The following MTCL1 variants were observed in gnomAD, a reference collection of about 807,000 sequenced individuals.
The protein encoded by MTCL1 is microtubule crosslinking factor 1, also known as microtubule cross-linking factor 1.
Under a neutral mutation model 141.4 loss-of-function variants are expected in MTCL1, and 79 were observed. That is an observed-to-expected ratio of 0.56 (90% CI 0.47 to 0.67). The LOEUF (loss-of-function observed/expected upper bound fraction) is 0.67, where lower values mean the gene tolerates loss of function less well. MTCL1 is among the 30% of genes least tolerant of loss of function. The pLI is 0.00. For synonymous variants in MTCL1, 914 were observed against 875.8 expected (o/e 1.04, Z -0.77); for missense variants, 2,177 against 2,113.9 (o/e 1.03, Z -0.59).
chr18:8,705,639 G>A, upstream of MTCL1: 1 of 1,211,716 alleles, frequency 8.3e-7, no homozygotes, highest in Non-Finnish European at 1.0e-6. This position sits in a 1 kb window ranked among gnomAD's most constrained non-coding sequence, Gnocchi z 5.2. Flanking sequence ...TGCTGCCTGA[G>A]CTGCTGCCGG....
intron 4 of MTCL1, among the ~76,000 whole-genome samples, chr18:8,734,383 C>T (rs1219031697): frequency 2.6e-5 from 4 of 152,090 alleles, no homozygotes; most frequent in Non-Finnish European, 5.9e-5. Context: ...GTTCTAGCAC[C>T]TTAGGAAAAC....
intron 10 of MTCL1, among the ~76,000 whole-genome samples, chr18:8,805,322 A>C (rs1000140036): frequency 2.0e-5 from 3 of 151,978 alleles, no homozygotes; most frequent in African/African-American, 7.3e-5. Flanking sequence ...AGTATACCCA[A>C]TGTTTGGCTC....
At chr18:8,820,225 C>T (rs977160326) in intron 13 of MTCL1, among the ~76,000 whole-genome samples, 12 of 152,022 alleles carry the variant, frequency 7.9e-5, no homozygotes, top group Admixed American at 1.3e-4. Context: ...CTGGCTAACA[C>T]GGTGAAACCC....
At position 8,786,018 on chromosome 18, in the gene MTCL1, G is replaced by A. The variant is rs536482836; in HGVS notation, c.1814G>A (p.Arg605Gln). The change falls in exon 7 of 17, where the codon CGG (arginine) becomes CAG (glutamine). Residue 605 changes from arginine (R) to glutamine (Q), a missense_variant. Arg to Gln is a conservative substitution (Grantham distance 43, BLOSUM62 1). Coordinates refer to ENST00000359865, the Ensembl canonical transcript of MTCL1. ...GAGAGCCTGCGCCTCCGAGCCGCGC[G>A]GGAGCTGCACCGCCGCGCAGACGGG... 1.1e-4 allele frequency: 178 copies of A among 1,584,276 alleles called. 1 individual carries two copies. Among genetic ancestry groups the A allele is most frequent in the Admixed American group, 1.0e-3 (61 of 59,602 alleles).
intron 4 of MTCL1, among the ~76,000 whole-genome samples, chr18:8,754,704 G>A (rs1050042794): frequency 3.9e-5 from 6 of 152,168 alleles, no homozygotes; most frequent in Non-Finnish European, 8.8e-5. Flanking sequence ...GTATAGATGC[G>A]TGCAGTTCTG....
At chr18:8,821,363 G>C (rs1360914940) in intron 13 of MTCL1, 104 bp from the exon 13 acceptor site, 2 of 715,602 alleles carry the variant, frequency 2.8e-6, no homozygotes, top group Admixed American at 4.9e-5. Flanking sequence ...CATTTTAAAT[G>C]GTGGTTTCCT....
chr18:8,826,970 A>G (rs779357842), intron 15 of MTCL1, among the ~76,000 whole-genome samples: 3 of 152,210 alleles, frequency 2.0e-5, no homozygotes, highest in African/African-American at 7.2e-5. Context: ...CACTTCAACA[A>G]TGAGCAAAAT....
chr18:8,799,454 A>AG (rs1371969863), intron 10 of MTCL1, among the ~76,000 whole-genome samples: 20 of 152,238 alleles, frequency 1.3e-4, no homozygotes, highest in Non-Finnish European at 5.9e-5. Flanking sequence ...ATACTTGCAA[A>AG]GGAACTTTTA....
intron 4 of MTCL1, among the ~76,000 whole-genome samples, chr18:8,768,789 C>CT (rs773958752): frequency 0.022 from 2,555 of 117,842 alleles, 140 homozygotes; most frequent in African/African-American, 0.067. Context: ...CTTTTCTTCT[C>CT]TTTTTTTTTT....
chr18:8,773,672 G>A (rs1230699351), intron 4 of MTCL1, among the ~76,000 whole-genome samples: 1 of 151,022 alleles, frequency 6.6e-6, no homozygotes, highest in Non-Finnish European at 1.5e-5. Context: ...ATGTTTTTTT[G>A]CATCTAAAAT....
chr18:8,815,490 G>T (rs1268759745), intron 12 of MTCL1, among the ~76,000 whole-genome samples: 1 of 151,896 alleles, frequency 6.6e-6, no homozygotes, highest in Non-Finnish European at 1.5e-5. Context: ...GGAGGTGGGG[G>T]ATAGCATTAG....
intron 1 of MTCL1, among the ~76,000 whole-genome samples, chr18:8,710,996 G>A (rs1014005654): frequency 2.5e-4 from 38 of 149,494 alleles, no homozygotes; most frequent in East Asian, 1.2e-3. Context: ...CCACTAACTC[G>A]TCATCTAGCA....
At chr18:8,816,582 A>G (rs988922513) in intron 12 of MTCL1, among the ~76,000 whole-genome samples, 2 of 152,214 alleles carry the variant, frequency 1.3e-5, no homozygotes, top group South Asian at 4.1e-4. Context: ...CCCAGTTAAC[A>G]TGCAGATGAT....
At chr18:8,751,828 G>T (rs966890468) in intron 4 of MTCL1, among the ~76,000 whole-genome samples, 1 of 152,184 alleles carries the variant, frequency 6.6e-6, no homozygotes, top group African/African-American at 2.4e-5. Context: ...TGGAGCCGTG[G>T]GATTCGCTTG....
At chr18:8,786,115 C>CCCCA (rs1555655971) in intron 7 of MTCL1, 24 bp downstream of exon 6, 1 of 1,388,264 alleles carries the variant, frequency 7.2e-7, no homozygotes, top group Non-Finnish European at 9.5e-7. Flanking sequence ...AGCAATCCCC[C>CCCCA]CCCCCCGCCC....
chr18:8,749,657 G>A (rs962856732), intron 4 of MTCL1, among the ~76,000 whole-genome samples: 6 of 152,242 alleles, frequency 3.9e-5, no homozygotes, highest in Non-Finnish European at 7.3e-5. Context: ...CAAGAGCACA[G>A]GGATGGGGTT....
At chr18:8,806,772 C>A in intron 10 of MTCL1, 121 bp from the exon 10 acceptor site, 1 of 922,824 alleles carries the variant, frequency 1.1e-6, no homozygotes, top group Non-Finnish European at 1.6e-6. Flanking sequence ...CACCCTGCAC[C>A]CACTGCCAAC....
At chr18:8,785,771 T>C in intron 6 of MTCL1, 165 bp from the exon 6 acceptor site, 1 of 775,162 alleles carries the variant, frequency 1.3e-6, no homozygotes, top group South Asian at 1.9e-5. Flanking sequence ...TAAGCCTGTG[T>C]TTCTGTTCGT....
At chr18:8,777,978 G>A (rs2096518066) in intron 5 of MTCL1, 86 bp downstream of exon 4, 2 of 1,287,402 alleles carry the variant, frequency 1.6e-6, no homozygotes, top group South Asian at 2.6e-5. Context: ...TGTTAGCTTT[G>A]CCTTTAAAAC....
Sources: gnomAD v4.1 joint callset for allele counts (sites outside exome capture counted in the v4.1 genomes callset) on GRCh38, gnomAD v4.1.1 for gene constraint, Gnocchi (gnomAD v3.1) non-coding constraint, MANE v1.5 for transcripts, NCBI Gene and HGNC (gene_info 2026-07-23, HGNC 2026-07-21) for gene names.